RBFOX1: variants seen among roughly 807,000 people sequenced by gnomAD.
RBFOX1 encodes the protein RNA binding protein fox-1 homolog 1.
A neutral mutation model predicts 57.7 loss-of-function variants in RBFOX1; 8 were observed. The observed-to-expected ratio is 0.14, with a 90% CI of 0.08 to 0.25. RBFOX1 has a LOEUF of 0.25. Among genes scored for constraint, RBFOX1 ranks in the 10% least tolerant of loss-of-function variants. The pLI is 1.00. For missense variants in RBFOX1, 611 were observed against 548.5 expected, an observed-to-expected ratio of 1.11 and a Z score of -1.14; for synonymous variants, 326 against 222.4, an observed-to-expected ratio of 1.47 and a Z score of -4.15.
intron 14 of RBFOX1, among the ~76,000 whole-genome samples, chr16:7,685,321 A>C (rs2075828401): frequency 6.6e-6 from 1 of 152,132 alleles, no homozygotes; most frequent in South Asian, 2.1e-4. Flanking sequence ...TCAATGAGAG[A>C]GTAAGAACTA....
At chr16:7,158,553 A>C (rs557392182) in intron 4 of RBFOX1, among the ~76,000 whole-genome samples, 3 of 151,630 alleles carry the variant, frequency 2.0e-5, no homozygotes, top group African/African-American at 7.3e-5. Context: ...GTGTGTATCT[A>C]TGTCTGTGTG....
intron 1 of RBFOX1, among the ~76,000 whole-genome samples, chr16:6,153,964 A>G (rs969719365): frequency 6.6e-6 from 1 of 152,218 alleles, no homozygotes; most frequent in Non-Finnish European, 1.5e-5. Context: ...ACAGTATGTC[A>G]AGCAACAACA....
At chr16:6,610,916 TATATA>T (rs1417646571) in intron 2 of RBFOX1, among the ~76,000 whole-genome samples, 4 of 152,196 alleles carry the variant, frequency 2.6e-5, no homozygotes, top group African/African-American at 9.7e-5. Flanking sequence ...CATATCTTAA[TATATA>T]GTAGACCATA....
At chr16:7,386,680 G>C (rs1451729389) in intron 4 of RBFOX1, among the ~76,000 whole-genome samples, 1 of 152,050 alleles carries the variant, frequency 6.6e-6, no homozygotes, top group African/African-American at 2.4e-5. Flanking sequence ...CAGTGCCACA[G>C]TAATCATACG....
chr16:6,273,201 G>A (rs918497864), intron 1 of RBFOX1, among the ~76,000 whole-genome samples: 3 of 151,848 alleles, frequency 2.0e-5, no homozygotes, highest in African/African-American at 7.3e-5. Context: ...AGAGGTTGCA[G>A]TGAGCCATGA....
At chr16:6,255,681 C>T (rs1275909021) in intron 1 of RBFOX1, among the ~76,000 whole-genome samples, 2 of 151,892 alleles carry the variant, frequency 1.3e-5, no homozygotes, top group Non-Finnish European at 2.9e-5. Flanking sequence ...GAAAATATGA[C>T]ATATATACAT....
chr16:7,696,365 G>A (rs1357432299), intron 14 of RBFOX1, among the ~76,000 whole-genome samples: 1 of 152,140 alleles, frequency 6.6e-6, no homozygotes, highest in African/African-American at 2.4e-5. Context: ...TGATGAGTTG[G>A]ATTCTTCAAT....
intron 3 of RBFOX1, among the ~76,000 whole-genome samples, chr16:5,618,875 C>G (rs945582836): frequency 2.0e-5 from 3 of 152,138 alleles, no homozygotes; most frequent in African/African-American, 4.8e-5. Flanking sequence ...GATCCAGAAC[C>G]CAGCTTCCTG....
chr16:7,514,510 G>T (rs747635976), intron 4 of RBFOX1, among the ~76,000 whole-genome samples: 5 of 152,218 alleles, frequency 3.3e-5, no homozygotes, highest in Non-Finnish European at 7.3e-5. Flanking sequence ...GGCTGTGGCA[G>T]TGCTTGGTGC....
chr16:6,983,184 T>G (rs76545426), intron 3 of RBFOX1, among the ~76,000 whole-genome samples: 3 of 151,876 alleles, frequency 2.0e-5, no homozygotes, highest in African/African-American at 7.3e-5. Context: ...CTCTACCCTT[T>G]CCTTGGGTAG....
At chr16:5,536,725 G>C (rs1330347204) in intron 2 of RBFOX1, among the ~76,000 whole-genome samples, 2 of 152,030 alleles carry the variant, frequency 1.3e-5, no homozygotes, top group Admixed American at 6.5e-5. Context: ...GAAGAGAAAT[G>C]GGTCAACAGG....
At chr16:5,856,187 C>CTCTCTCTCTCTCTATATATA (rs1430331422) in intron 3 of RBFOX1, among the ~76,000 whole-genome samples, 3 of 31,068 alleles carry the variant, frequency 9.7e-5, no homozygotes, top group African/African-American at 2.8e-4. Flanking sequence ...CTCTCTCTCT[C>CTCTCTCTCTCTCTATATATA]TATATATATA....
At chr16:6,563,349 A>G (rs1043557339) in intron 2 of RBFOX1, among the ~76,000 whole-genome samples, 1 of 152,154 alleles carries the variant, frequency 6.6e-6, no homozygotes, top group African/African-American at 2.4e-5. Flanking sequence ...TCACATCAAT[A>G]TTTCATAGGA....
At chr16:5,338,750 C>T (rs1467253556) in intron 1 of RBFOX1, among the ~76,000 whole-genome samples, 1 of 152,182 alleles carries the variant, frequency 6.6e-6, no homozygotes, top group Non-Finnish European at 1.5e-5. Context: ...CCTCTGCCTC[C>T]TGGCCTCAGG....
intron 5 of RBFOX1, among the ~76,000 whole-genome samples, chr16:7,525,932 G>A (rs1469171558): frequency 3.3e-5 from 5 of 152,170 alleles, no homozygotes; most frequent in South Asian, 2.1e-4. Context: ...GTCTCCAGCT[G>A]TCTTCTAAAA....
chr16:6,561,414 G>C (rs2097177748), intron 2 of RBFOX1, among the ~76,000 whole-genome samples: 1 of 152,316 alleles, frequency 6.6e-6, no homozygotes, highest in South Asian at 2.1e-4. Context: ...TTCAAAATTA[G>C]AACGTGTACC....
chr16:5,448,065 C>G (rs1597105243), intron 1 of RBFOX1, among the ~76,000 whole-genome samples: 1 of 152,126 alleles, frequency 6.6e-6, no homozygotes. Flanking sequence ...GGAAGTGAAT[C>G]GAGGTCAGTT....
rs540746007 is a variant in RBFOX1, at chr16:6,189,689, T to A, written c.-126-127306T>A. 3.3e-5 allele frequency among the ~76,000 whole-genome samples: 5 copies of A among 152,322 alleles called. 1 individual carries two copies. The South Asian group carries it at 1.0e-3, about 32-fold the overall frequency. On this transcript the variant is annotated intron_variant, in intron 1 of 15. Transcript: ENST00000550418. ...AGTCTTAATTCACCTGTTGTCTCTC[T>A]CCAGTTGTGGTTGAGGTTAGAACAC...
chr16:6,211,973 C>T (rs1237214847), intron 1 of RBFOX1, among the ~76,000 whole-genome samples: 3 of 152,040 alleles, frequency 2.0e-5, no homozygotes, highest in African/African-American at 7.2e-5. Context: ...TCTCAGCCTC[C>T]AGAGTAGCTA....
Sources: gnomAD v4.1 joint callset for allele counts (sites outside exome capture counted in the v4.1 genomes callset) on GRCh38, gnomAD v4.1.1 for gene constraint, MANE v1.5 for transcripts, NCBI Gene and HGNC (gene_info 2026-07-23, HGNC 2026-07-21) for gene names.